ZC4H2: variants seen among roughly 807,000 people sequenced by gnomAD.
ZC4H2 encodes zinc finger C4H2 domain-containing protein.
For missense variants in ZC4H2, 137 were observed against 173.9 expected, an observed-to-expected ratio of 0.79 and a Z score of 1.19; for synonymous variants, 84 against 66.3, an observed-to-expected ratio of 1.27 and a Z score of -1.30.
chrX:64,973,176 C>T (rs775644152), intron 1 of ZC4H2, among the ~76,000 whole-genome samples: 18 of 111,039 alleles, frequency 1.6e-4, no homozygotes, highest in Middle Eastern at 4.6e-3. Context: ...TACATGAAGG[C>T]TAAGTCTGCC....
At chrX:64,995,855 G>C (rs1289172596) in intron 1 of ZC4H2, among the ~76,000 whole-genome samples, 1 of 112,356 alleles carries the variant, frequency 8.9e-6, no homozygotes, top group Non-Finnish European at 1.9e-5. Context: ...CAGAAAACTT[G>C]TGAGCATTGC....
At chrX:65,021,685 C>T (rs62041619) in intron 1 of ZC4H2, among the ~76,000 whole-genome samples, 13 of 110,906 alleles carry the variant, frequency 1.2e-4, no homozygotes, top group Admixed American at 1.1e-3. Flanking sequence ...CAGAGCAGAA[C>T]TGAAGGAGAC....
intron 1 of ZC4H2, among the ~76,000 whole-genome samples, chrX:65,003,568 A>T (rs1394113900): frequency 1.8e-5 from 2 of 111,752 alleles, no homozygotes; most frequent in Admixed American, 1.9e-4. Context: ...GAGAAGAATG[A>T]AATAGACATG....
intron 1 of ZC4H2, among the ~76,000 whole-genome samples, chrX:64,950,954 C>T (rs1408444886): frequency 9.1e-6 from 1 of 110,387 alleles, no homozygotes; most frequent in Non-Finnish European, 1.9e-5. Context: ...CATAGCTCCC[C>T]ACTCTCCCCA....
intron 1 of ZC4H2, chrX:64,965,339 GC>G: frequency 4.7e-6 from 1 of 211,696 alleles, no homozygotes; most frequent in South Asian, 5.6e-5. Flanking sequence ...CACAAATAAA[GC>G]AATGAAGCAG....
intron 1 of ZC4H2, among the ~76,000 whole-genome samples, chrX:65,001,560 A>C (rs1211051260): frequency 8.9e-6 from 1 of 112,341 alleles, no homozygotes; most frequent in African/African-American, 3.2e-5. Context: ...ACCAGCTAGC[A>C]TCATAATGAC....
intron 1 of ZC4H2, among the ~76,000 whole-genome samples, chrX:65,002,417 G>C (rs1366687675): frequency 5.6e-5 from 6 of 107,170 alleles, no homozygotes; most frequent in Non-Finnish European, 9.7e-5. Flanking sequence ...GCCCCCGCCC[G>C]GCCAGCCGCC....
chrX:64,972,723 G>T (rs1273140388), intron 1 of ZC4H2, among the ~76,000 whole-genome samples: 5 of 111,476 alleles, frequency 4.5e-5, no homozygotes, highest in Non-Finnish European at 9.4e-5. Context: ...GATTTCCTTT[G>T]GGAAGACTAA....
chrX:64,951,194 T>A (rs1180923283), intron 1 of ZC4H2, among the ~76,000 whole-genome samples: 1 of 112,558 alleles, frequency 8.9e-6, no homozygotes, highest in Non-Finnish European at 1.9e-5. Context: ...ATTTTCTTAA[T>A]CCAGTCTGTC....
At chrX:64,929,688 C>T (rs952665457) in intron 1 of ZC4H2, among the ~76,000 whole-genome samples, 1 of 110,987 alleles carries the variant, frequency 9.0e-6, no homozygotes, top group Non-Finnish European at 1.9e-5. Flanking sequence ...AAGTATTTGG[C>T]CTTATTTCTG....
chrX:65,003,173 C>A (rs1207534506), intron 1 of ZC4H2, among the ~76,000 whole-genome samples: 3 of 108,119 alleles, frequency 2.8e-5, no homozygotes, highest in African/African-American at 1.0e-4. Context: ...ACAATCTGCT[C>A]CTGAATGACT....
In ZC4H2 at chrX:64,954,372, AAT is replaced by A. The variant is rs1220402035; in HGVS notation, c.53+21951_53+21952del. Among the ~76,000 whole-genome samples the A allele has an allele frequency of 3.2e-4, 24 of 74,236 alleles. 1 individual carries two copies. Among genetic ancestry groups the A allele is most frequent in the African/African-American group, 2.1e-3 (21 of 10,234 alleles). The allele number at this position is 74,236 out of a possible 115,157, so 64.5% of individuals were successfully genotyped here. A position where few individuals can be genotyped will look rare whatever the true frequency, so the allele number is the denominator to read the frequency against. ...TATATATAATTATATATATATATAT[AAT>A]TATATATATTTATAATTATATATAT... On this transcript the variant is annotated intron_variant, in intron 1 of 4. Coordinates refer to ENST00000374839, the MANE Select transcript of ZC4H2 (RefSeq NM_018684.4).
At chrX:64,943,711 C>T (rs775311688) in intron 1 of ZC4H2, among the ~76,000 whole-genome samples, 56 of 111,124 alleles carry the variant, frequency 5.0e-4, no homozygotes, top group African/African-American at 1.6e-3. Context: ...TTATTTTGAG[C>T]GCATGTGTAT....
At chrX:64,952,519 C>A (rs1930904763) in intron 1 of ZC4H2, among the ~76,000 whole-genome samples, 1 of 110,552 alleles carries the variant, frequency 9.0e-6, no homozygotes, top group South Asian at 3.8e-4. Flanking sequence ...TCTTATACAC[C>A]AATAACAGAC....
At chrX:64,953,834 C>T (rs772819082) in intron 1 of ZC4H2, among the ~76,000 whole-genome samples, 2 of 110,924 alleles carry the variant, frequency 1.8e-5, no homozygotes, top group Non-Finnish European at 3.8e-5. Context: ...ACCCAAAGGA[C>T]TATAAATCAC....
At chrX:64,958,263 G>A (rs1452640023) in intron 1 of ZC4H2, among the ~76,000 whole-genome samples, 1 of 111,936 alleles carries the variant, frequency 8.9e-6, no homozygotes, top group African/African-American at 3.2e-5. Flanking sequence ...TGATGTTACA[G>A]TGGGTACGTC....
Position 64,917,750 on chromosome X carries a change from T to A in ZC4H2, c.*33A>T. On this transcript the variant is annotated 3_prime_UTR_variant, in exon 5 of 5. Coordinates refer to ENST00000374839, the MANE Select transcript of ZC4H2 (RefSeq NM_018684.4). ...TGACTCTGGTCAAGGTGAGGGGTTA[T>A]AATTAGCAAAGCTTCATGTGCTCTC... 1.7e-6 allele frequency: 2 copies of A among 1,199,027 alleles called. No homozygotes were observed. Among genetic ancestry groups the A allele is most frequent in the Non-Finnish European group, 2.3e-6 (2 of 888,784 alleles).
rs1424388841 is a variant in ZC4H2 at position 64,959,822 on chromosome X, G to T, written c.53+16503C>A. 1.8e-4 allele frequency among the ~76,000 whole-genome samples: 20 copies of T among 110,662 alleles called. No homozygotes were observed. In the Admixed American group the frequency reaches 1.9e-3, roughly 11 times the overall value. On this transcript the variant is annotated intron_variant, in intron 1 of 4. Coordinates refer to ENST00000374839, the MANE Select transcript of ZC4H2 (RefSeq NM_018684.4). Reference sequence around the variant, plus strand: ...CAACAGCAGTCACATGTTTAAGCATGATTAAAACACCAATGGATTTTAAGA... The same window carrying T: ...CAACAGCAGTCACATGTTTAAGCATTATTAAAACACCAATGGATTTTAAGA...
chrX:64,988,956 C>A (rs1180303034), intron 1 of ZC4H2, among the ~76,000 whole-genome samples: 1 of 111,913 alleles, frequency 8.9e-6, no homozygotes, highest in Non-Finnish European at 1.9e-5. Context: ...GTTTTCCCAG[C>A]ACCATTTATT....
Sources: allele counts gnomAD v4.1 joint callset (sites outside exome capture counted in the v4.1 genomes callset), GRCh38; gene constraint gnomAD v4.1.1; transcripts MANE v1.5; gene names NCBI Gene and HGNC (gene_info 2026-07-23, HGNC 2026-07-21).